MAGI2: variants seen among roughly 807,000 people sequenced by gnomAD.
MAGI2 encodes membrane associated guanylate kinase, WW and PDZ domain containing 2.
A neutral mutation model predicts 133.3 loss-of-function variants in MAGI2; 35 were observed. That is an observed-to-expected ratio of 0.26 (90% CI 0.20 to 0.35). MAGI2 has a LOEUF of 0.35. MAGI2 is among the 10% of genes least tolerant of loss of function. The pLI, the probability that MAGI2 is intolerant of heterozygous loss-of-function variation, is 1.00. For synonymous variants in MAGI2, 729 were observed against 710.6 expected (o/e 1.03, Z -0.41); for missense variants, 1,636 against 1,863.4 (o/e 0.88, Z 2.25).
chr7:78,053,560 A>C (rs1233836486), intron 21 of MAGI2, among the ~76,000 whole-genome samples: 1 of 152,232 alleles, frequency 6.6e-6, no homozygotes, highest in Non-Finnish European at 1.5e-5. Flanking sequence ...TTCTCTCTGG[A>C]GTAATCTACT....
intron 1 of MAGI2, among the ~76,000 whole-genome samples, chr7:79,431,882 GTCAGGCAGCC>G (rs1463437009): frequency 6.6e-6 from 1 of 152,170 alleles, no homozygotes; most frequent in East Asian, 1.9e-4. Flanking sequence ...AGACTTTTAA[GTCAGGCAGCC>G]ACTTAGTACT....
intron 3 of MAGI2, among the ~76,000 whole-genome samples, chr7:78,557,080 C>CAAAAAAAAAACAAAA (rs1799897666): frequency 2.4e-5 from 1 of 40,952 alleles, no homozygotes; most frequent in Middle Eastern, 0.014. Context: ...GGCAGAGTCT[C>CAAAAAAAAAACAAAA]AAAAAAAAAA....
At chr7:78,020,077 C>T (rs1563010433) in intron 21 of MAGI2, 101 bp from the exon 22 acceptor site, 2 of 1,101,438 alleles carry the variant, frequency 1.8e-6, no homozygotes, top group South Asian at 1.7e-5. Context: ...CGATTGCTCT[C>T]AGGGGCCGGA....
At chr7:78,658,969 T>G (rs1313252372) in intron 2 of MAGI2, among the ~76,000 whole-genome samples, 1 of 152,122 alleles carries the variant, frequency 6.6e-6, no homozygotes, top group Non-Finnish European at 1.5e-5. Context: ...TGTTGGGCAT[T>G]TATCCCAGGG....
chr7:79,331,692 C>A (rs1277266821), intron 1 of MAGI2, among the ~76,000 whole-genome samples: 1 of 152,142 alleles, frequency 6.6e-6, no homozygotes, highest in Admixed American at 6.5e-5. Context: ...TGGAAGGCAA[C>A]TTAGTCTAGT....
rs71573375 is a variant in MAGI2, at chr7:78,208,129, A to G, written c.2048-6936T>C. Among the ~76,000 whole-genome samples the G allele has an allele frequency of 2.5e-5, 3 of 118,680 alleles. No individual in the cohort carries two copies. The East Asian group carries it at 8.1e-4, about 32-fold the overall frequency. 77.9% of individuals were successfully genotyped at this position (118,680 alleles called of 152,430 possible). A position where few individuals can be genotyped will look rare whatever the true frequency, so the allele number is the denominator to read the frequency against. On this transcript the variant is annotated intron_variant, in intron 10 of 21. Coordinates refer to ENST00000354212, the MANE Select transcript of MAGI2 (RefSeq NM_012301.4). The stretch of plus-strand genomic sequence containing the variant: ...GTGATCCATCCACCTCGGCCTCCCA[A>G]AGTGGCTTTTTTTTTTTTTTTTTTT...
chr7:79,237,744 T>C (rs1319074483), intron 1 of MAGI2, among the ~76,000 whole-genome samples: 3 of 152,182 alleles, frequency 2.0e-5, no homozygotes, highest in Non-Finnish European at 2.9e-5. Context: ...ATGATTTTGA[T>C]TGCTTGAACA....
intron 1 of MAGI2, among the ~76,000 whole-genome samples, chr7:79,208,883 C>T (rs1362527983): frequency 4.6e-5 from 7 of 151,836 alleles, no homozygotes; most frequent in Non-Finnish European, 1.0e-4. Context: ...TTCGTGACAA[C>T]ATAGATTAAC....
At chr7:79,268,250 C>T (rs1022540474) in intron 1 of MAGI2, among the ~76,000 whole-genome samples, 1 of 152,094 alleles carries the variant, frequency 6.6e-6, no homozygotes. Context: ...GTACTGTTAT[C>T]TGAACCTCAA....
intron 3 of MAGI2, among the ~76,000 whole-genome samples, chr7:78,584,018 T>A (rs965289691): frequency 6.6e-6 from 1 of 152,236 alleles, no homozygotes; most frequent in Non-Finnish European, 1.5e-5. Flanking sequence ...TAAGCAGTTT[T>A]ATAAGAAGCT....
At chr7:78,844,060 T>C (rs2151468003) in intron 2 of MAGI2, among the ~76,000 whole-genome samples, 1 of 149,966 alleles carries the variant, frequency 6.7e-6, no homozygotes, top group East Asian at 2.0e-4. Context: ...CAGACACACA[T>C]TCACACGTTG....
intron 1 of MAGI2, among the ~76,000 whole-genome samples, chr7:79,234,844 C>T (rs1229791469): frequency 8.8e-4 from 134 of 151,612 alleles, no homozygotes; most frequent in South Asian, 4.2e-4. Flanking sequence ...TGAGGAACTG[C>T]GTTCCTTTGG....
In MAGI2 at chr7:79,347,138, A is replaced by T. The variant is rs951687675; in HGVS notation, c.301+105882T>A. ...ATTTTGCCCTAACATGGCTTGAACAATGTTTTATTTTACAAGGAGCCTGTT... is the reference window on the plus strand; with the variant it reads ...ATTTTGCCCTAACATGGCTTGAACATTGTTTTATTTTACAAGGAGCCTGTT... On this transcript the variant is annotated intron_variant, in intron 1 of 21. Transcript: ENST00000354212. 1.2e-4 allele frequency among the ~76,000 whole-genome samples: 19 copies of T among 152,058 alleles called. No individual in the cohort carries two copies. In the South Asian group the frequency reaches 3.9e-3, roughly 31 times the overall value.
At chr7:79,250,968 C>T (rs569929412) in intron 1 of MAGI2, among the ~76,000 whole-genome samples, 8 of 152,232 alleles carry the variant, frequency 5.3e-5, no homozygotes, top group South Asian at 4.2e-4. Context: ...AACAGAATTG[C>T]CAAGAAAGTA....
intron 1 of MAGI2, among the ~76,000 whole-genome samples, chr7:79,375,971 T>A (rs187428964): frequency 3.3e-5 from 5 of 152,068 alleles, no homozygotes; most frequent in African/African-American, 9.6e-5. Context: ...TTGGTTTAAT[T>A]TTTTTTCTTA....
At chr7:78,030,083 C>T (rs1809406079) in intron 21 of MAGI2, among the ~76,000 whole-genome samples, 1 of 152,160 alleles carries the variant, frequency 6.6e-6, no homozygotes, top group Admixed American at 6.5e-5. Context: ...GTTTCCACCT[C>T]TAATTCTGCC....
At chr7:78,167,630 A>C (rs533301550) in intron 15 of MAGI2, among the ~76,000 whole-genome samples, 7 of 152,222 alleles carry the variant, frequency 4.6e-5, no homozygotes, top group African/African-American at 1.7e-4. Flanking sequence ...AGAACTAGAA[A>C]CTACCAGAAA....
At chr7:78,595,414 G>A (rs1274646218) in intron 3 of MAGI2, among the ~76,000 whole-genome samples, 4 of 152,068 alleles carry the variant, frequency 2.6e-5, no homozygotes, top group Admixed American at 1.3e-4. Context: ...AACTAGCTGC[G>A]ATTTCTGCTT....
chr7:79,411,165 C>T (rs1467066807), intron 1 of MAGI2: 1 of 152,096 alleles, frequency 6.6e-6, no homozygotes, highest in African/African-American at 2.4e-5. Context: ...CATCAAGTGG[C>T]AGTAACAGCT....
Sources: allele counts gnomAD v4.1 joint callset (sites outside exome capture counted in the v4.1 genomes callset), GRCh38; gene constraint gnomAD v4.1.1; transcripts MANE v1.5; gene names NCBI Gene and HGNC (gene_info 2026-07-23, HGNC 2026-07-21).